NKIRAS2: variants seen among roughly 807,000 people sequenced by gnomAD.
The protein encoded by NKIRAS2 is NF-kappa-B inhibitor-interacting Ras-like protein 2.
NKIRAS2 carries 15 observed loss-of-function variants against 20.7 expected under a neutral mutation model. The ratio of observed to expected loss-of-function variants is 0.73; its 90% confidence interval spans 0.49 to 1.12. NKIRAS2 has a LOEUF of 1.12. Ranked by LOEUF, NKIRAS2 falls within the 50% of genes most tolerant of loss-of-function variation. The probability of loss-of-function intolerance (pLI) is 0.00; values close to 1 mark genes in which losing one functional copy is unlikely to be tolerated. For missense variants in NKIRAS2, 196 were observed against 249.6 expected (o/e 0.79, Z 1.45); for synonymous variants, 116 against 101.4 (o/e 1.14, Z -0.87).
chr17:42,017,821 A>G (rs1020783124), upstream of NKIRAS2, among the ~76,000 whole-genome samples: 1 of 152,198 alleles, frequency 6.6e-6, no homozygotes, highest in African/African-American at 2.4e-5. Context: ...TCTGTAGGGA[A>G]GGAGTCCCCA....
At position 42,021,674 on chromosome 17, in the gene NKIRAS2, G is replaced by A. The variant is rs781887997; in HGVS notation, c.94+3G>A. The A allele has an allele frequency of 1.2e-6, 2 of 1,613,402 alleles. No homozygotes were observed. Among genetic ancestry groups the A allele is most frequent in the South Asian group, 2.2e-5 (2 of 91,068 alleles). On this transcript the variant is annotated splice_donor_region_variant and intron_variant, in intron 2 of 3. Coordinates refer to ENST00000393885, the MANE Select transcript of NKIRAS2 (RefSeq NM_017595.6). ...TCTGTATGGGAACCATGTAGTGGGT[G>A]AGTGTTGTTGGAGGGGGAGGAACAG...
chr17:42,022,276 A>G lies in NKIRAS2; in HGVS notation c.95-123A>G. The G allele has an allele frequency of 4.0e-6, 4 of 991,802 alleles. No homozygotes were observed. The South Asian group carries it at 6.7e-5, about 17-fold the overall frequency. The allele number at this position is 991,802 out of a possible 1,614,324, so 61.4% of individuals were successfully genotyped here. Reference sequence around the variant, plus strand: ...TCATTTCAGTCCTGCCAGGCTGTCAATTCTCTGGCCTCCTCAGCCCCCTAC... The same window carrying G: ...TCATTTCAGTCCTGCCAGGCTGTCAGTTCTCTGGCCTCCTCAGCCCCCTAC... On this transcript the variant is annotated intron_variant, in intron 2 of 3. Transcript: ENST00000393885.
chr17:42,020,232 C>A (rs924154218), intron 1 of NKIRAS2, 28 bp downstream of exon 1: 4 of 152,314 alleles, frequency 2.6e-5, no homozygotes, highest in Non-Finnish European at 4.4e-5. Flanking sequence ...GAGGCTCGTC[C>A]GGCGCTAGGA....
At position 42,022,648 on chromosome 17, in the gene NKIRAS2, G is replaced by A. The variant is rs189357484; in HGVS notation, c.336+8G>A. 1.5e-5 allele frequency: 24 copies of A among 1,607,490 alleles called. No homozygotes were observed. The East Asian group carries it at 4.7e-4, about 31-fold the overall frequency. On this transcript the variant is annotated splice_region_variant and intron_variant, in intron 3 of 3. Coordinates refer to ENST00000393885, the MANE Select transcript of NKIRAS2 (RefSeq NM_017595.6). ...TCCAAGGACAAGAAGGAGGTGTGTG[G>A]CATAGGCTTCTGGTGGGAGCCTCAG... is the stretch of plus-strand genomic sequence containing the variant.
In NKIRAS2 at chr17:42,023,772, C is replaced by T. The variant is rs146933261; in HGVS notation, c.455C>T (p.Ala152Val). 21 of 1,614,000 alleles carry T rather than the reference C, an allele frequency of 1.3e-5. No homozygotes were observed. Among genetic ancestry groups the T allele is most frequent in the African/African-American group, 6.7e-5 (5 of 74,890 alleles). ...GTGAAGCTGTGGGAGGTGTCAGTGGCGGACCGGCGCTCCCTCCTGGAGCCC... is the reference window on the plus strand; with the variant it reads ...GTGAAGCTGTGGGAGGTGTCAGTGGTGGACCGGCGCTCCCTCCTGGAGCCC... ...EKVKLWEVSVADRRSLLEPFV... is the reference protein window; with the variant it reads ...EKVKLWEVSVVDRRSLLEPFV... Residue 152 changes from alanine (A) to valine (V), a missense_variant, in exon 4 of 4, where the codon GCG (alanine) becomes GTG (valine). Ala to Val is a moderately conservative substitution (Grantham distance 64). Coordinates refer to ENST00000393885, the MANE Select transcript of NKIRAS2 (RefSeq NM_017595.6).
intron 2 of NKIRAS2, 114 bp downstream of exon 2, chr17:42,021,785 G>C: frequency 6.3e-6 from 6 of 952,764 alleles, no homozygotes; most frequent in Non-Finnish European, 1.0e-5. Context: ...CCCCCTGGAA[G>C]AATAAAACTT....
At chr17:42,019,466 A>G (rs1476779112), upstream of NKIRAS2, among the ~76,000 whole-genome samples, 3 of 152,140 alleles carry the variant, frequency 2.0e-5, no homozygotes, top group Non-Finnish European at 4.4e-5. Flanking sequence ...TCTTTGGCCT[A>G]CCACACAAAG....
intron 1 of NKIRAS2, 189 bp downstream of exon 1, chr17:42,020,393 CT>C: frequency 6.6e-6 from 1 of 152,466 alleles, no homozygotes; most frequent in Admixed American, 6.5e-5. Context: ...GAGAGGGGGT[CT>C]GTGTCAGGAG....
rs2052543655 is a variant in NKIRAS2 at position 42,025,026 on chromosome 17, C to T, written c.*1133C>T. ...TGATTTCGTAAAGCCAATGGCTTCTCCCTCTTTAAGGTGCTATGCCAACCA... is the reference window on the plus strand; with the variant it reads ...TGATTTCGTAAAGCCAATGGCTTCTTCCTCTTTAAGGTGCTATGCCAACCA... On this transcript the variant is annotated 3_prime_UTR_variant, in exon 4 of 4. Transcript: ENST00000393885. The T allele has an allele frequency of 6.6e-6, 1 of 152,592 alleles. No homozygotes were observed. Among genetic ancestry groups the T allele is most frequent in the Non-Finnish European group, 1.5e-5 (1 of 68,040 alleles). The allele number at this position is 152,592 out of a possible 1,614,324, so 9.5% of individuals were successfully genotyped here. A position where few individuals can be genotyped will look rare whatever the true frequency, so the allele number is the denominator to read the frequency against.
intron 2 of NKIRAS2, chr17:42,021,956 T>A (rs1203297086): frequency 1.6e-6 from 1 of 610,796 alleles, no homozygotes; most frequent in Non-Finnish European, 3.1e-6. Flanking sequence ...ACGCCTGTAA[T>A]CCGAGCACTT....
At chr17:42,017,689 C>G (rs1373149951), upstream of NKIRAS2, 5 of 561,646 alleles carry the variant, frequency 8.9e-6, no homozygotes, top group Non-Finnish European at 1.6e-5. Flanking sequence ...GGTAGCCTCT[C>G]TAGGGCTTGG....
rs1343979722 is a variant in NKIRAS2 at position 42,024,338 on chromosome 17, T to C, written c.*445T>C. ...AGAAAAAGGGTGTCCAGGTATTGTG[T>C]GTATGCATTTAGTTGTGCACACACA... On this transcript the variant is annotated 3_prime_UTR_variant, in exon 4 of 4. Transcript: ENST00000393885. The C allele has an allele frequency of 4.6e-6, 1 of 217,290 alleles. No individual in the cohort carries two copies. Among genetic ancestry groups the C allele is most frequent in the African/African-American group, 2.3e-5 (1 of 43,714 alleles). The allele number at this position is 217,290 out of a possible 1,614,324, so 13.5% of individuals were successfully genotyped here.
In NKIRAS2 at chr17:42,023,951, A is replaced by C; in HGVS notation, c.*58A>C. On this transcript the variant is annotated 3_prime_UTR_variant, in exon 4 of 4. Transcript: ENST00000393885. ...CCATTTCAGTGTCTGGGGCTCTGGT[A>C]GATGTGTTGAGGGCAAAGTAGAGGA... is the stretch of plus-strand genomic sequence containing the variant. 1.9e-6 allele frequency: 3 copies of C among 1,588,880 alleles called. No homozygotes were observed. The Admixed American group carries it at 5.2e-5, about 27-fold the overall frequency.
rs369224142 is a variant in NKIRAS2 at position 42,022,481 on chromosome 17, C to G, written c.177C>G (p.Phe59Leu). ...TDRGVREQVR[F>L]YDTRGLRDGA... is the part of the protein sequence containing the mutation. ...GGGGGGTGCGAGAGCAGGTGCGTTT[C>G]TATGACACCCGGGGGCTCCGAGATG... Residue 59 changes from phenylalanine (F) to leucine (L), a missense_variant, in exon 3 of 4, where the codon TTC becomes TTG. Physicochemically the swap from Phe to Leu is conservative, Grantham distance 22. Transcript: ENST00000393885. The G allele has an allele frequency of 1.9e-6, 3 of 1,613,828 alleles. No homozygotes were observed. The highest frequency in any genetic ancestry group is 1.7e-6 in the Non-Finnish European group (2 of 1,179,744).
chr17:42,024,198 G>GTC lies in NKIRAS2; in HGVS notation c.*306_*307dup. The GTC allele has an allele frequency of 2.6e-6, 1 of 390,138 alleles. No homozygotes were observed. Among genetic ancestry groups the GTC allele is most frequent in the Non-Finnish European group, 4.8e-6 (1 of 209,404 alleles). 24.2% of individuals were successfully genotyped at this position (390,138 alleles called of 1,614,324 possible). On this transcript the variant is annotated 3_prime_UTR_variant, in exon 4 of 4. Coordinates refer to ENST00000393885, the MANE Select transcript of NKIRAS2 (RefSeq NM_017595.6). Reference sequence around the variant, plus strand: ...CCAGCTGCCCCAGACAGGAAGCAGAGTCACCACGCAGCAGTGTCCCTTCTT... The same window carrying GTC: ...CCAGCTGCCCCAGACAGGAAGCAGAGTCTCACCACGCAGCAGTGTCCCTTCTT...
chr17:42,018,610 C>T (rs947266402), upstream of NKIRAS2: 8 of 152,186 alleles, frequency 5.3e-5, no homozygotes, highest in Non-Finnish European at 8.8e-5. Context: ...AAAACGCCTA[C>T]TCTGTGCTAG....
At chr17:42,021,931 C>G (rs781783064) in intron 2 of NKIRAS2, 1 of 651,838 alleles carries the variant, frequency 1.5e-6, no homozygotes, top group Non-Finnish European at 2.9e-6. Flanking sequence ...GTCCATTGGC[C>G]GGGTGCGGTG....
upstream of NKIRAS2, among the ~76,000 whole-genome samples, chr17:42,017,878 A>G (rs141712893): frequency 6.6e-6 from 1 of 152,160 alleles, no homozygotes; most frequent in East Asian, 1.9e-4. Flanking sequence ...TCTTCCCGGG[A>G]AAGTCAAGAG....
intron 3 of NKIRAS2, chr17:42,023,029 G>A (rs1555653407): frequency 1.6e-5 from 5 of 303,952 alleles, no homozygotes; most frequent in Non-Finnish European, 2.7e-5. Flanking sequence ...TTGAGACAGG[G>A]TCTCACTCTG....
Sources: allele counts gnomAD v4.1 joint callset (sites outside exome capture counted in the v4.1 genomes callset), GRCh38; gene constraint gnomAD v4.1.1; transcripts MANE v1.5; gene names NCBI Gene and HGNC (gene_info 2026-07-23, HGNC 2026-07-21).